Variants in RANBP2 observed in about 807,000 individuals in gnomAD.
The protein encoded by RANBP2 is RAN binding protein 2, also known as E3 SUMO-protein ligase RanBP2.
A neutral mutation model predicts 303.6 loss-of-function variants in RANBP2; 57 were observed. The observed-to-expected ratio is 0.19, with a 90% CI of 0.15 to 0.23. RANBP2 has a LOEUF of 0.23. Among genes scored for constraint, RANBP2 ranks in the 10% least tolerant of loss-of-function variants. The pLI is 1.00. For synonymous variants in RANBP2, 1,167 were observed against 1,301.5 expected, an observed-to-expected ratio of 0.90 and a Z score of 2.23; for missense variants, 3,138 against 3,780.8, an observed-to-expected ratio of 0.83 and a Z score of 4.46.
chr2:108,894,721 A>G, the RANBP2 span: 3 of 152,144 alleles, frequency 2.0e-5, no homozygotes, highest in Non-Finnish European at 4.4e-5. Context: ...ACATAGGCTA[A>G]AGCTTGTCAG....
chr2:109,218,423 T>C, the RANBP2 span, among the ~76,000 whole-genome samples: 1 of 152,228 alleles, frequency 6.6e-6, no homozygotes, highest in Non-Finnish European at 1.5e-5. Flanking sequence ...GAAAATGTTA[T>C]GCTTAACAAA....
At chr2:108,722,599 T>C (rs554510360) in intron 1 of RANBP2, among the ~76,000 whole-genome samples, 1 of 147,098 alleles carries the variant, frequency 6.8e-6, no homozygotes, top group African/African-American at 2.7e-5. Flanking sequence ...TTGTTAGTCT[T>C]CTCTTGTTTT....
chr2:109,699,193 A>G, the RANBP2 span, among the ~76,000 whole-genome samples: 1 of 152,338 alleles, frequency 6.6e-6, no homozygotes, highest in East Asian at 1.9e-4. Flanking sequence ...CATTCCATGC[A>G]TGCACTAGTC....
chr2:109,146,601 C>T, the RANBP2 span, among the ~76,000 whole-genome samples: 3 of 152,128 alleles, frequency 2.0e-5, no homozygotes, highest in Non-Finnish European at 2.9e-5. Context: ...TCAGGCCCAG[C>T]CCTTCCTCCA....
At chr2:108,753,722 T>C (rs1676086368) in intron 14 of RANBP2, 103 bp from the exon 15 acceptor site, 2 of 1,597,856 alleles carry the variant, frequency 1.3e-6, no homozygotes, top group African/African-American at 2.7e-5. Context: ...GTGCCTCAGC[T>C]CCCGAGTAGC....
At chr2:109,360,368 G>A in the RANBP2 span, among the ~76,000 whole-genome samples, 4 of 152,166 alleles carry the variant, frequency 2.6e-5, no homozygotes, top group African/African-American at 7.2e-5. Context: ...CAGATGGTCC[G>A]CATGGGTGAT....
the RANBP2 span, among the ~76,000 whole-genome samples, chr2:108,821,654 G>A: frequency 6.6e-6 from 1 of 152,042 alleles, no homozygotes; most frequent in African/African-American, 2.4e-5. Flanking sequence ...GTAATAGTAT[G>A]TCCTTCCTGG....
chr2:109,689,709 C>G, the RANBP2 span, among the ~76,000 whole-genome samples: 3 of 152,144 alleles, frequency 2.0e-5, no homozygotes, highest in Non-Finnish European at 4.4e-5. Context: ...TTCCTTCCCC[C>G]CTCATCTCTG....
chr2:109,732,343 C>G, the RANBP2 span, among the ~76,000 whole-genome samples: 1 of 152,110 alleles, frequency 6.6e-6, no homozygotes, highest in Non-Finnish European at 1.5e-5. Flanking sequence ...TACTGTGAAG[C>G]CCTTGGTCTG....
the RANBP2 span, among the ~76,000 whole-genome samples, chr2:109,719,476 C>T: frequency 2.7e-5 from 4 of 149,854 alleles, no homozygotes; most frequent in South Asian, 2.1e-4. Flanking sequence ...GTGGGATCCC[C>T]GCTCACTGCA....
the RANBP2 span, among the ~76,000 whole-genome samples, chr2:109,478,019 G>A: frequency 1.3e-5 from 2 of 152,174 alleles, no homozygotes. Context: ...AATATTACTG[G>A]AATGATTAGA....
At chr2:109,270,546 G>A in the RANBP2 span, among the ~76,000 whole-genome samples, 152,219 of 152,296 alleles carry the variant, frequency 1, 76,073 homozygotes, top group Middle Eastern at 1. Flanking sequence ...TGTGATCAGC[G>A]GTGACAGCCC....
chr2:108,878,566 T>C, the RANBP2 span: 17 of 198,304 alleles, frequency 8.6e-5, no homozygotes, highest in East Asian at 3.7e-4. Context: ...CAGTCAGATA[T>C]GTTTTATCGG....
chr2:109,436,290 G>A, the RANBP2 span, among the ~76,000 whole-genome samples: 1 of 152,174 alleles, frequency 6.6e-6, no homozygotes, highest in East Asian at 1.9e-4. Context: ...ATACACAGAG[G>A]GAAAGCGTGA....
At chr2:109,460,000 C>G in the RANBP2 span, among the ~76,000 whole-genome samples, 1 of 152,214 alleles carries the variant, frequency 6.6e-6, no homozygotes, top group East Asian at 1.9e-4. Context: ...GACTGTCACC[C>G]AGCTGGTGCT....
chr2:109,367,119 A>ATTTTT, the RANBP2 span, among the ~76,000 whole-genome samples: 604 of 113,310 alleles, frequency 5.3e-3, 10 homozygotes, highest in African/African-American at 0.014. Context: ...TGCCCTGGTA[A>ATTTTT]TTTTTTTTTT....
intron 20 of RANBP2, among the ~76,000 whole-genome samples, chr2:108,770,128 G>T (rs1278332968): frequency 2.6e-5 from 4 of 152,154 alleles, no homozygotes; most frequent in Non-Finnish European, 4.4e-5. Context: ...GAATGAATGT[G>T]CCTATATACT....
At chr2:109,614,838 C>A in the RANBP2 span, 6 of 1,417,366 alleles carry the variant, frequency 4.2e-6, no homozygotes, top group South Asian at 1.5e-5. Context: ...GGCGCGCGAT[C>A]GGCTCCCCGA....
At chr2:109,726,490 C>G in the RANBP2 span, among the ~76,000 whole-genome samples, 1 of 151,980 alleles carries the variant, frequency 6.6e-6, no homozygotes, top group Non-Finnish European at 1.5e-5. Flanking sequence ...CCTCCAGGAT[C>G]CCTTTGTGAA....
Sources: allele counts gnomAD v4.1 joint callset (sites outside exome capture counted in the v4.1 genomes callset), GRCh38; gene constraint gnomAD v4.1.1; transcripts MANE v1.5; gene names NCBI Gene and HGNC (gene_info 2026-07-23, HGNC 2026-07-21).